The following C12orf42 variants were observed in gnomAD, a reference collection of about 807,000 sequenced individuals.
C12orf42 encodes the protein chromosome 12 open reading frame 42.
In C12orf42, 25 loss-of-function variants were observed where a neutral mutation model predicts 21.6. The ratio of observed to expected loss-of-function variants is 1.16; its 90% CI spans 0.84 to 1.62. The LOEUF is 1.62. Among genes scored for constraint, C12orf42 ranks in the 40% most tolerant of loss-of-function variants. The probability of loss-of-function intolerance (pLI) is 0.00; values close to 1 mark genes in which losing one functional copy is unlikely to be tolerated. For missense variants in C12orf42, 483 were observed against 459.3 expected, an observed-to-expected ratio of 1.05 and a Z score of -0.47; for synonymous variants, 174 against 175.0, an observed-to-expected ratio of 0.99 and a Z score of 0.05.
At chr12:103,521,264 A>C in the C12orf42 span, among the ~76,000 whole-genome samples, 1 of 152,176 alleles carries the variant, frequency 6.6e-6, no homozygotes, top group Admixed American at 6.5e-5. Context: ...TTGCATCACT[A>C]TTCACAGCAG....
At chr12:103,143,445 T>A in the C12orf42 span, among the ~76,000 whole-genome samples, 1 of 152,218 alleles carries the variant, frequency 6.6e-6, no homozygotes, top group Non-Finnish European at 1.5e-5. Context: ...GCTCAGGTCA[T>A]ACCTCAGTTC....
chr12:103,533,474 C>A, the C12orf42 span, among the ~76,000 whole-genome samples: 1 of 152,112 alleles, frequency 6.6e-6, no homozygotes, highest in African/African-American at 2.4e-5. Context: ...ACAAAAATGT[C>A]CTCTGGATGA....
intron 10 of C12orf42, among the ~76,000 whole-genome samples, chr12:103,239,300 A>G (rs148901867): frequency 3.2e-4 from 48 of 152,294 alleles, no homozygotes; most frequent in African/African-American, 9.6e-4. Context: ...CCATCAGAAT[A>G]AAAACTCAAA....
chr12:103,346,721 G>A (rs1254062667), intron 4 of C12orf42, among the ~76,000 whole-genome samples: 2 of 152,174 alleles, frequency 1.3e-5, no homozygotes, highest in Non-Finnish European at 1.5e-5. Flanking sequence ...TGAGTGACAT[G>A]GTTGCACTAC....
At chr12:103,204,831 A>G in the C12orf42 span, among the ~76,000 whole-genome samples, 2 of 151,350 alleles carry the variant, frequency 1.3e-5, no homozygotes, top group Non-Finnish European at 2.9e-5. Flanking sequence ...ATGAAAAGGC[A>G]GCCATAAAGT....
intron 3 of C12orf42, among the ~76,000 whole-genome samples, chr12:103,389,426 G>A (rs1346672193): frequency 6.6e-6 from 1 of 152,192 alleles, no homozygotes; most frequent in African/African-American, 2.4e-5. Flanking sequence ...AGGAAAGGAG[G>A]AATAAATGAA....
At chr12:103,502,050 C>A in the C12orf42 span, among the ~76,000 whole-genome samples, 5 of 152,200 alleles carry the variant, frequency 3.3e-5, no homozygotes, top group Admixed American at 3.3e-4. Context: ...CCCACCCTAG[C>A]TGTTTTGTAC....
chr12:103,403,798 T>C (rs771634179), intron 2 of C12orf42, among the ~76,000 whole-genome samples: 3 of 152,162 alleles, frequency 2.0e-5, no homozygotes, highest in Non-Finnish European at 4.4e-5. Context: ...ACACATCCGG[T>C]GTCTTCCAAG....
At chr12:103,180,219 C>T in the C12orf42 span, among the ~76,000 whole-genome samples, 27 of 151,780 alleles carry the variant, frequency 1.8e-4, no homozygotes, top group Non-Finnish European at 3.8e-4. Flanking sequence ...TGTGGCTCTT[C>T]AAAGGGTCAC....
chr12:103,450,703 G>T (rs890474392), intron 2 of C12orf42, among the ~76,000 whole-genome samples: 10 of 152,010 alleles, frequency 6.6e-5, no homozygotes, highest in Admixed American at 1.3e-4. Flanking sequence ...GTTCTTCATG[G>T]TTTTTTGCTC....
the C12orf42 span, among the ~76,000 whole-genome samples, chr12:103,226,396 G>C: frequency 1.3e-5 from 2 of 152,154 alleles, no homozygotes; most frequent in African/African-American, 4.8e-5. Flanking sequence ...TGTATATTGA[G>C]AATAAGACAG....
At chr12:103,160,324 C>T in the C12orf42 span, among the ~76,000 whole-genome samples, 1 of 152,184 alleles carries the variant, frequency 6.6e-6, no homozygotes, top group Non-Finnish European at 1.5e-5. Flanking sequence ...CATTCCCACT[C>T]CTCCTTTCCT....
At chr12:103,152,001 C>G in the C12orf42 span, 1 of 152,326 alleles carries the variant, frequency 6.6e-6, no homozygotes, top group African/African-American at 2.4e-5. Context: ...GGGAGATTCT[C>G]CTTTGCTGGC....
At chr12:103,096,827 G>A in the C12orf42 span, among the ~76,000 whole-genome samples, 2 of 152,146 alleles carry the variant, frequency 1.3e-5, no homozygotes, top group African/African-American at 4.8e-5. Flanking sequence ...ACAGTTTAGT[G>A]ACATGCTTGC....
intron 2 of C12orf42, among the ~76,000 whole-genome samples, chr12:103,474,404 T>C (rs974772653): frequency 1.3e-5 from 2 of 151,280 alleles, no homozygotes; most frequent in Non-Finnish European, 2.9e-5. Flanking sequence ...TATATATTCT[T>C]GATCTCTGTC....
chr12:103,050,855 T>C, the C12orf42 span, among the ~76,000 whole-genome samples: 4 of 152,188 alleles, frequency 2.6e-5, no homozygotes, highest in Admixed American at 2.0e-4. Context: ...TTTATGTGAA[T>C]TTTTTCAGCT....
chr12:103,375,694 CATAGTT>C (rs1367626796), intron 3 of C12orf42, among the ~76,000 whole-genome samples: 3 of 152,060 alleles, frequency 2.0e-5, no homozygotes, highest in Non-Finnish European at 4.4e-5. Context: ...TAATTAATAA[CATAGTT>C]ATAAAGAAAA....
chr12:103,432,399 C>G (rs1366225379), intron 2 of C12orf42, among the ~76,000 whole-genome samples: 1 of 152,162 alleles, frequency 6.6e-6, no homozygotes, highest in Non-Finnish European at 1.5e-5. Flanking sequence ...TTGCCTGACC[C>G]TCCTGGTTGG....
the C12orf42 span, among the ~76,000 whole-genome samples, chr12:103,223,499 A>G: frequency 6.6e-6 from 1 of 152,232 alleles, no homozygotes; most frequent in Non-Finnish European, 1.5e-5. Flanking sequence ...GAGATTCAGC[A>G]TAGTCCTGCC....
Sources: gnomAD v4.1 joint callset for allele counts (sites outside exome capture counted in the v4.1 genomes callset) on GRCh38, gnomAD v4.1.1 for gene constraint, MANE v1.5 for transcripts, NCBI Gene and HGNC (gene_info 2026-07-23, HGNC 2026-07-21) for gene names.